The following KATNIP variants were observed in gnomAD, a reference collection of about 807,000 sequenced individuals.
The protein encoded by KATNIP is katanin interacting protein, also known as katanin-interacting protein.
Under a neutral mutation model 174.0 loss-of-function variants are expected in KATNIP, and 126 were observed. That is an observed-to-expected ratio of 0.72 (90% CI 0.63 to 0.84). The LOEUF (loss-of-function observed/expected upper bound fraction) is 0.84. Ranked by LOEUF, KATNIP falls within the 40% of genes least tolerant of loss-of-function variation. The probability of loss-of-function intolerance (pLI) is 0.00; values close to 1 mark genes in which losing one functional copy is unlikely to be tolerated. For missense variants in KATNIP, 1,958 were observed against 2,109.7 expected, an observed-to-expected ratio of 0.93 and a Z score of 1.41; for synonymous variants, 810 against 835.7, an observed-to-expected ratio of 0.97 and a Z score of 0.53.
intron 10 of KATNIP, among the ~76,000 whole-genome samples, chr16:27,700,527 T>C (rs573207348): frequency 6.6e-6 from 1 of 152,242 alleles, no homozygotes; most frequent in Non-Finnish European, 1.5e-5. Context: ...GCTGCTAATA[T>C]GTGAGAGAAT....
intron 6 of KATNIP, among the ~76,000 whole-genome samples, chr16:27,675,724 A>G (rs1209034893): frequency 6.6e-6 from 1 of 152,086 alleles, no homozygotes; most frequent in African/African-American, 2.4e-5. Context: ...ATTCAGTCCA[A>G]GCTGGCAGTA....
chr16:27,766,493 G>C lies in KATNIP; in HGVS notation c.3975+19G>C. On this transcript the variant is annotated intron_variant, in intron 20 of 27. Coordinates refer to ENST00000261588, the MANE Select transcript of KATNIP (RefSeq NM_015202.5). ...TCGCGGGGTAAGCTGGGGAGCAGTG[G>C]CCGTGCTCAGTCCAGCATCAGGGAA... 1 of 1,605,446 alleles carries C rather than the reference G, an allele frequency of 6.2e-7. No homozygotes were observed. Among genetic ancestry groups the C allele is most frequent in the Non-Finnish European group, 8.5e-7 (1 of 1,177,658 alleles).
chr16:27,653,783 C>T (rs1445277396), intron 6 of KATNIP, among the ~76,000 whole-genome samples: 1 of 151,918 alleles, frequency 6.6e-6, no homozygotes, highest in Non-Finnish European at 1.5e-5. Flanking sequence ...GTCAGCCTCC[C>T]GAAGAGCTGA....
At chr16:27,737,124 T>C (rs1355934438) in intron 14 of KATNIP, among the ~76,000 whole-genome samples, 1 of 152,088 alleles carries the variant, frequency 6.6e-6, no homozygotes, top group Non-Finnish European at 1.5e-5. Flanking sequence ...ACACCTGTAA[T>C]CCCAGCACTT....
At chr16:27,719,213 A>C (rs1458805450) in intron 13 of KATNIP, among the ~76,000 whole-genome samples, 1 of 152,190 alleles carries the variant, frequency 6.6e-6, no homozygotes, top group Non-Finnish European at 1.5e-5. Flanking sequence ...GATATGAAGC[A>C]GTAGGGAGTG....
chr16:27,560,762 A>G (rs1419199311), intron 1 of KATNIP, among the ~76,000 whole-genome samples: 5 of 152,146 alleles, frequency 3.3e-5, no homozygotes, highest in Admixed American at 2.6e-4. Flanking sequence ...GACGAGCTCT[A>G]TGCTTTTCTC....
At chr16:27,635,276 G>C (rs117794387) in intron 5 of KATNIP, among the ~76,000 whole-genome samples, 8 of 152,298 alleles carry the variant, frequency 5.3e-5, no homozygotes, top group Non-Finnish European at 1.0e-4. Flanking sequence ...ACTATATTCT[G>C]TGAGAATTCT....
intron 8 of KATNIP, among the ~76,000 whole-genome samples, chr16:27,697,284 C>A (rs2078946385): frequency 6.6e-6 from 1 of 152,164 alleles, no homozygotes; most frequent in Admixed American, 6.5e-5. Context: ...AGTGTATAAG[C>A]ATTCCCTTTA....
At chr16:27,567,937 A>G (rs72784387) in intron 1 of KATNIP, among the ~76,000 whole-genome samples, 52 of 152,300 alleles carry the variant, frequency 3.4e-4, no homozygotes, top group Non-Finnish European at 6.8e-4. Context: ...GCATTCCAGG[A>G]TGGGCAACAG....
intron 16 of KATNIP, among the ~76,000 whole-genome samples, chr16:27,751,283 C>T (rs2143815386): frequency 6.6e-6 from 1 of 152,268 alleles, no homozygotes; most frequent in South Asian, 2.1e-4. Context: ...CAGGTCTTTC[C>T]TGCCTGAAGG....
At chr16:27,770,677 C>T (rs997890083) in intron 21 of KATNIP, among the ~76,000 whole-genome samples, 5 of 152,182 alleles carry the variant, frequency 3.3e-5, no homozygotes, top group Non-Finnish European at 5.9e-5. Context: ...AGAGGGGCCC[C>T]GTCAGGAGGG....
intron 2 of KATNIP, among the ~76,000 whole-genome samples, chr16:27,615,767 A>G (rs574169270): frequency 2.0e-5 from 3 of 152,292 alleles, no homozygotes; most frequent in East Asian, 3.9e-4. Flanking sequence ...GCTCAGAGCA[A>G]TGGAAAAGGA....
At chr16:27,692,452 A>G (rs571826221) in intron 8 of KATNIP, among the ~76,000 whole-genome samples, 2 of 152,174 alleles carry the variant, frequency 1.3e-5, no homozygotes, top group Non-Finnish European at 2.9e-5. Context: ...CAAGATGGGT[A>G]TGACCTCATG....
intron 6 of KATNIP, among the ~76,000 whole-genome samples, chr16:27,651,113 A>G (rs1038996234): frequency 6.6e-6 from 1 of 152,176 alleles, no homozygotes; most frequent in Admixed American, 6.5e-5. Context: ...ACCTCTCGTT[A>G]AATTAACATA....
chr16:27,610,269 G>T (rs925068652), intron 2 of KATNIP, among the ~76,000 whole-genome samples: 5 of 152,138 alleles, frequency 3.3e-5, no homozygotes, highest in Non-Finnish European at 7.4e-5. Context: ...CAGCCTGGGA[G>T]GGGAGAGCAG....
chr16:27,740,157 C>A lies in KATNIP; in HGVS notation c.1860C>A (p.Asp620Glu). Reference sequence around the variant, plus strand: ...CAGCTGACCACAGCATCCTGGTTGACCAGAAGAACGAGAAGAGCGAGCAAC... The same window carrying A: ...CAGCTGACCACAGCATCCTGGTTGAACAGAAGAACGAGAAGAGCGAGCAAC... ...EAPADHSILVDQKNEKSEQLE... is the reference protein window; with the variant it reads ...EAPADHSILVEQKNEKSEQLE... Residue 620 changes from aspartate (D) to glutamate (E), a missense_variant, in exon 15 of 28, where the codon GAC (aspartate) becomes GAA (glutamate). Physicochemically the swap from Asp to Glu is conservative, Grantham distance 45. Around this residue, in one of 3 missense-constraint regions of KATNIP, gnomAD observed 1,557 missense variants for 1,617.8 expected, o/e 0.96. Coordinates refer to ENST00000261588, the MANE Select transcript of KATNIP (RefSeq NM_015202.5). 4 of 1,614,098 alleles carry A rather than the reference C, an allele frequency of 2.5e-6. No individual in the cohort carries two copies. The highest frequency in any genetic ancestry group is 2.5e-6 in the Non-Finnish European group (3 of 1,180,020).
chr16:27,724,483 A>G (rs554138451), intron 14 of KATNIP, among the ~76,000 whole-genome samples: 48 of 152,276 alleles, frequency 3.2e-4, no homozygotes, highest in Middle Eastern at 3.4e-3. Context: ...TGCTTATAGA[A>G]TGGTTTAAAA....
chr16:27,740,969 C>G (rs1420244972), intron 15 of KATNIP, 49 bp downstream of exon 15: 2 of 1,498,368 alleles, frequency 1.3e-6, no homozygotes, highest in East Asian at 2.4e-5. Flanking sequence ...CCCAGCCCCT[C>G]TAATTGGCAT....
At chr16:27,632,166 G>A (rs914575255) in intron 5 of KATNIP, among the ~76,000 whole-genome samples, 13 of 152,046 alleles carry the variant, frequency 8.6e-5, no homozygotes, top group African/African-American at 3.1e-4. Flanking sequence ...ATACCTTACC[G>A]GGGACCAGCA....
Sources: gnomAD v4.1 joint callset for allele counts (sites outside exome capture counted in the v4.1 genomes callset) on GRCh38, gnomAD v4.1.1 for gene constraint, gnomAD v4.1.1 regional missense constraint, MANE v1.5 for transcripts, NCBI Gene and HGNC (gene_info 2026-07-23, HGNC 2026-07-21) for gene names.